Variants in PCDHGB2 observed in about 807,000 individuals in gnomAD.
PCDHGB2 encodes protocadherin gamma-B2.
PCDHGB2 carries 55 observed loss-of-function variants against 59.3 expected under a neutral mutation model. The ratio of observed to expected loss-of-function variants is 0.93; its 90% CI spans 0.75 to 1.16. The LOEUF (loss-of-function observed/expected upper bound fraction) is 1.16. PCDHGB2 is among the 50% of genes most tolerant of loss of function. The pLI is 0.00. For synonymous variants in PCDHGB2, 516 were observed against 512.0 expected (o/e 1.01, Z -0.11); for missense variants, 1,228 against 1,198.5 (o/e 1.02, Z -0.36).
chr5:141,394,674 C>G lies in PCDHGB2; in HGVS notation c.2421+32118C>G. ...CGAGCCGGGACTCTTCTCGGTGGGT[C>G]TGCACACGGGCGAGGTGCGCACGGC... On this transcript the variant is annotated intron_variant, in intron 1 of 3. Transcript: ENST00000522605. 1 of 1,612,758 alleles carries G rather than the reference C, an allele frequency of 6.2e-7. No individual in the cohort carries two copies. The highest frequency in any genetic ancestry group is 8.5e-7 in the Non-Finnish European group (1 of 1,179,752).
chr5:141,470,721 AG>A (rs948288535), intron 1 of PCDHGB2, among the ~76,000 whole-genome samples: 2 of 152,098 alleles, frequency 1.3e-5, no homozygotes, highest in African/African-American at 4.8e-5. Flanking sequence ...TTTTTGAGTC[AG>A]GGTCTTGCTC....
chr5:141,484,121 C>A (rs1451102473), intron 1 of PCDHGB2, among the ~76,000 whole-genome samples: 1 of 152,152 alleles, frequency 6.6e-6, no homozygotes, highest in African/African-American at 2.4e-5. Context: ...TCAAGAATAC[C>A]TTGGTGTCAG....
intron 1 of PCDHGB2, chr5:141,422,056 G>A: frequency 8.7e-6 from 14 of 1,611,934 alleles, no homozygotes; most frequent in Non-Finnish European, 1.2e-5. Flanking sequence ...AATCAACGGG[G>A]AAGTAATGTA....
intron 1 of PCDHGB2, among the ~76,000 whole-genome samples, chr5:141,484,821 G>A (rs1367529999): frequency 6.6e-6 from 1 of 152,122 alleles, no homozygotes; most frequent in Admixed American, 6.5e-5. Context: ...CGTTGAGCGG[G>A]AGGAAGGCGA....
At chr5:141,502,118 G>A (rs897244225) in intron 2 of PCDHGB2, among the ~76,000 whole-genome samples, 3 of 152,108 alleles carry the variant, frequency 2.0e-5, no homozygotes, top group African/African-American at 7.2e-5. Context: ...CCTCAGCCAG[G>A]CCCACAGAGC....
chr5:141,399,569 G>A (rs1192197329), intron 1 of PCDHGB2: 1 of 1,613,888 alleles, frequency 6.2e-7, no homozygotes, highest in Non-Finnish European at 8.5e-7. Context: ...GGGTTGAACG[G>A]CCAAGTCTCC....
Position 141,378,904 on chromosome 5 carries a change from T to C in PCDHGB2, c.2421+16348T>C, listed in dbSNP as rs947498432. 2.0e-5 allele frequency: 3 copies of C among 152,224 alleles called. 1 individual carries two copies. Among genetic ancestry groups the C allele is most frequent in the Non-Finnish European group, 4.4e-5 (3 of 68,030 alleles). 9.4% of individuals were successfully genotyped at this position (152,224 alleles called of 1,614,324 possible). A position where few individuals can be genotyped will look rare whatever the true frequency, so the allele number is the denominator to read the frequency against. ...ACTAAGGAGATAGGAGATTCTGTTA[T>C]CGACAGTCTTCAAAAGTAAGTTGAT... On this transcript the variant is annotated intron_variant, in intron 1 of 3. Transcript: ENST00000522605.
intron 1 of PCDHGB2, among the ~76,000 whole-genome samples, chr5:141,369,925 G>A (rs376465013): frequency 3.9e-5 from 6 of 152,186 alleles, no homozygotes; most frequent in Non-Finnish European, 4.4e-5. Flanking sequence ...AACTAAAAAC[G>A]TGACGGGATT....
chr5:141,380,805 G>A (rs1776753449), intron 1 of PCDHGB2, among the ~76,000 whole-genome samples: 1 of 152,204 alleles, frequency 6.6e-6, no homozygotes, highest in Non-Finnish European at 1.5e-5. Context: ...AAACAAATGT[G>A]AGATGAAACT....
At position 141,491,150 on chromosome 5, in the gene PCDHGB2, A is replaced by G; in HGVS notation, c.2422-3657A>G. On this transcript the variant is annotated intron_variant, in intron 1 of 3. Coordinates refer to ENST00000522605, the MANE Select transcript of PCDHGB2 (RefSeq NM_018923.3). This position sits in a 1 kb window ranked among gnomAD's most constrained non-coding sequence, Gnocchi z 6.9. ...CGCACAGCCCGGGCCTTACTGGAGG[A>G]TGACTCTGACACCCAGCAGGTGGTG... is the stretch of plus-strand genomic sequence containing the variant. 1 of 1,614,122 alleles carries G rather than the reference A, an allele frequency of 6.2e-7. No individual in the cohort carries two copies. Among genetic ancestry groups the G allele is most frequent in the African/African-American group, 1.3e-5 (1 of 75,060 alleles).
intron 1 of PCDHGB2, among the ~76,000 whole-genome samples, chr5:141,455,460 A>G (rs1175234914): frequency 1.3e-5 from 2 of 152,186 alleles, no homozygotes; most frequent in Non-Finnish European, 2.9e-5. Flanking sequence ...GATACCAGCC[A>G]GGTATATATG....
Position 141,487,491 on chromosome 5 carries a change from C to T in PCDHGB2, c.2422-7316C>T. ...GTGGGAGGCCACTCTCATGGCTGTA[C>T]ACCCTTGGCTTCTGCACCCACTCGG... is the stretch of plus-strand genomic sequence containing the variant. On this transcript the variant is annotated intron_variant, in intron 1 of 3. Transcript: ENST00000522605. This position sits in a 1 kb window ranked among gnomAD's most constrained non-coding sequence, Gnocchi z 5.0. 6.2e-7 allele frequency: 1 copy of T among 1,614,204 alleles called. No individual in the cohort carries two copies. Among genetic ancestry groups the T allele is most frequent in the Non-Finnish European group, 8.5e-7 (1 of 1,180,034 alleles).
Position 141,511,103 on chromosome 5 carries a change from A to G in PCDHGB2, c.2726A>G (p.Lys909Arg), listed in dbSNP as rs779731716. The G allele has an allele frequency of 6.2e-7, 1 of 1,614,214 alleles. No individual in the cohort carries two copies. The highest frequency in any genetic ancestry group is 8.5e-7 in the Non-Finnish European group (1 of 1,180,026). The change falls in exon 4 of 4, where the codon AAG becomes AGG. Residue 909 changes from lysine to arginine, a missense_variant. By Grantham distance (26) the Lys-to-Arg change is conservative. Coordinates refer to ENST00000522605, the MANE Select transcript of PCDHGB2 (RefSeq NM_018923.3). ...SNATLTNAAGKRDGKAPAGGN... is the reference protein window; with the variant it reads ...SNATLTNAAGRRDGKAPAGGN... ...GCCACACTGACCAACGCAGCTGGCA[A>G]GCGGGATGGCAAGGCCCCAGCAGGT...
chr5:141,426,753 A>G (rs1360041118), intron 1 of PCDHGB2: 3 of 456,298 alleles, frequency 6.6e-6, no homozygotes, highest in East Asian at 7.0e-5. Flanking sequence ...GGAATCTGCT[A>G]TAGATGCAGA....
chr5:141,497,003 A>C (rs928317358), intron 2 of PCDHGB2, among the ~76,000 whole-genome samples: 2 of 152,148 alleles, frequency 1.3e-5, no homozygotes, highest in African/African-American at 4.8e-5. Context: ...CTGGCAGCCA[A>C]CATGGTGAAA....
At chr5:141,417,680 A>G (rs1236124418) in intron 1 of PCDHGB2, 21 of 1,016,072 alleles carry the variant, frequency 2.1e-5, no homozygotes, top group Non-Finnish European at 2.9e-5. Context: ...AGCCAACAAC[A>G]GAAAAGAAAA....
At position 141,360,807 on chromosome 5, in the gene PCDHGB2, C is replaced by A; in HGVS notation, c.672C>A (p.Gly224=). ...AVDGGDPPQS[G]TTQIRIKVTD... ...ATGGCGGAGACCCACCTCAAAGTGGCACGACCCAAATCCGAATCAAAGTCA... is the reference window on the plus strand; with the variant it reads ...ATGGCGGAGACCCACCTCAAAGTGGAACGACCCAAATCCGAATCAAAGTCA... The change falls in exon 1 of 4, where the codon GGC becomes GGA. Residue 224 remains glycine (G), a synonymous_variant. Transcript: ENST00000522605. The A allele has an allele frequency of 1.2e-6, 2 of 1,613,914 alleles. No homozygotes were observed. Among genetic ancestry groups the A allele is most frequent in the Non-Finnish European group, 8.5e-7 (1 of 1,179,900 alleles).
chr5:141,498,725 A>AGT (rs2099785409), intron 2 of PCDHGB2, among the ~76,000 whole-genome samples: 1 of 152,150 alleles, frequency 6.6e-6, no homozygotes, highest in Non-Finnish European at 1.5e-5. Flanking sequence ...TGAGGTCAGG[A>AGT]GTTTGAGACC....
intron 2 of PCDHGB2, among the ~76,000 whole-genome samples, chr5:141,504,341 CTTTGTGCTAGGT>C (rs963088433): frequency 3.9e-5 from 6 of 152,020 alleles, no homozygotes; most frequent in African/African-American, 1.4e-4. Flanking sequence ...AAGTGCTAGG[CTTTGTGCTAGGT>C]GCTTCAGTAG....
Sources: gnomAD v4.1 joint callset for allele counts (sites outside exome capture counted in the v4.1 genomes callset) on GRCh38, gnomAD v4.1.1 for gene constraint, Gnocchi (gnomAD v3.1) non-coding constraint, MANE v1.5 for transcripts, NCBI Gene and HGNC (gene_info 2026-07-23, HGNC 2026-07-21) for gene names.